The following ARL5A variants were observed in gnomAD, a reference collection of about 807,000 sequenced individuals.
ARL5A encodes the protein ADP-ribosylation factor-like protein 5A.
ARL5A carries 18 observed loss-of-function variants against 25.9 expected under a neutral mutation model. The ratio of observed to expected loss-of-function variants is 0.69; its 90% confidence interval spans 0.48 to 1.03. The LOEUF (loss-of-function observed/expected upper bound fraction) is 1.03, where lower values mean the gene tolerates loss of function less well. Among genes scored for constraint, ARL5A ranks in the 50% least tolerant of loss-of-function variants. ARL5A has a pLI of 0.00. For missense variants in ARL5A, 170 were observed against 211.9 expected, an observed-to-expected ratio of 0.80 and a Z score of 1.23; for synonymous variants, 61 against 67.5, an observed-to-expected ratio of 0.90 and a Z score of 0.47.
chr2:151,814,715 C>G (rs990151294), intron 2 of ARL5A, among the ~76,000 whole-genome samples: 5 of 151,670 alleles, frequency 3.3e-5, no homozygotes, highest in African/African-American at 1.2e-4. Context: ...ACCACTACAT[C>G]CAGCTAATTT....
At chr2:151,808,865 G>A (rs369988151) in intron 4 of ARL5A, among the ~76,000 whole-genome samples, 4 of 152,126 alleles carry the variant, frequency 2.6e-5, no homozygotes, top group African/African-American at 9.7e-5. Flanking sequence ...CTGGCCAACA[G>A]GGCGAAACCC....
At chr2:151,813,585 C>A (rs1007068048) in intron 3 of ARL5A, among the ~76,000 whole-genome samples, 12 of 152,238 alleles carry the variant, frequency 7.9e-5, no homozygotes, top group South Asian at 2.1e-4. Flanking sequence ...TACTTATAAA[C>A]CATGCTTTAT....
chr2:151,810,519 T>C (rs1444193676), intron 4 of ARL5A: 2 of 439,578 alleles, frequency 4.5e-6, no homozygotes, highest in African/African-American at 4.1e-5. Context: ...TTCAGTCTCC[T>C]TTCACTTTCC....
rs746253535 is a variant in ARL5A at position 151,800,378 on chromosome 2, T to C, written c.*2898A>G. On this transcript the variant is annotated 3_prime_UTR_variant, in exon 6 of 6. Transcript: ENST00000295087. Reference sequence around the variant, plus strand: ...CCTTTGCTCAAGCTCTGTGCATTTCTCTGGGTCTCAAATGACCTACTAGGC... The same window carrying C: ...CCTTTGCTCAAGCTCTGTGCATTTCCCTGGGTCTCAAATGACCTACTAGGC... The C allele has an allele frequency of 5.3e-5, 8 of 152,218 alleles. No individual in the cohort carries two copies. The highest frequency in any genetic ancestry group is 1.0e-4 in the Non-Finnish European group (7 of 68,030). The allele number at this position is 152,218 out of a possible 1,614,324, so 9.4% of individuals were successfully genotyped here. A position where few individuals can be genotyped will look rare whatever the true frequency, so the allele number is the denominator to read the frequency against.
intron 1 of ARL5A, among the ~76,000 whole-genome samples, chr2:151,821,951 G>A (rs1250550539): frequency 2.0e-5 from 3 of 151,946 alleles, no homozygotes; most frequent in Non-Finnish European, 4.4e-5. Flanking sequence ...CCAGGTTCAA[G>A]GGATTCTCCT....
intron 1 of ARL5A, among the ~76,000 whole-genome samples, chr2:151,816,917 G>C (rs956992017): frequency 2.6e-5 from 4 of 152,190 alleles, no homozygotes; most frequent in Non-Finnish European, 5.9e-5. Flanking sequence ...GGAGGCTAAT[G>C]TCTGTGTATT....
At chr2:151,810,865 T>G (rs1401942528) in intron 4 of ARL5A, among the ~76,000 whole-genome samples, 7 of 152,154 alleles carry the variant, frequency 4.6e-5, no homozygotes, top group Non-Finnish European at 4.4e-5. Context: ...TCAGTTTTTC[T>G]TTTTCCAAAG....
intron 1 of ARL5A, among the ~76,000 whole-genome samples, chr2:151,825,095 G>A (rs562277047): frequency 2.6e-5 from 4 of 152,294 alleles, no homozygotes; most frequent in South Asian, 2.1e-4. Flanking sequence ...GCTCCATAAA[G>A]GCAGTGGAAT....
At chr2:151,825,669 CAT>C (rs763338195) in intron 1 of ARL5A, among the ~76,000 whole-genome samples, 1 of 152,084 alleles carries the variant, frequency 6.6e-6, no homozygotes, top group African/African-American at 2.4e-5. Flanking sequence ...GGAGATACTG[CAT>C]AGTTTAAGTT....
chr2:151,823,597 A>G (rs532030630), intron 1 of ARL5A, among the ~76,000 whole-genome samples: 1 of 152,198 alleles, frequency 6.6e-6, no homozygotes, highest in South Asian at 2.1e-4. Context: ...AAATTTAAGA[A>G]GCACTCACTA....
At chr2:151,810,954 C>A (rs1010811910) in intron 4 of ARL5A, among the ~76,000 whole-genome samples, 18 of 151,500 alleles carry the variant, frequency 1.2e-4, no homozygotes, top group African/African-American at 3.1e-4. Flanking sequence ...GAAAAAAAAA[C>A]AAACAAAAAA....
intron 1 of ARL5A, among the ~76,000 whole-genome samples, chr2:151,820,223 TA>T (rs2099832087): frequency 6.6e-6 from 1 of 152,242 alleles, no homozygotes; most frequent in South Asian, 2.1e-4. Flanking sequence ...TGGAATGAAC[TA>T]GAGTATCAAT....
chr2:151,815,932 T>C (rs1472293322), intron 1 of ARL5A, among the ~76,000 whole-genome samples: 2 of 125,086 alleles, frequency 1.6e-5, no homozygotes, highest in South Asian at 4.7e-4. Context: ...TTCCAGCCTG[T>C]CCGAAAGCAA....
At chr2:151,812,503 G>T in intron 3 of ARL5A, 63 bp from the exon 4 acceptor site, 2 of 1,095,118 alleles carry the variant, frequency 1.8e-6, no homozygotes, top group Non-Finnish European at 2.6e-6. Context: ...AATTTATAAT[G>T]TGTTTATTTG....
chr2:151,814,175 G>C lies in ARL5A; in HGVS notation c.249C>G (p.Asn83Lys), dbSNP rs1433248227. The change falls in exon 3 of 6, where the codon AAC becomes AAG. Residue 83 changes from asparagine (N) to lysine (K), a missense_variant. Physicochemically the swap from Asn to Lys is moderately conservative, Grantham distance 94. Coordinates refer to ENST00000295087, the MANE Select transcript of ARL5A (RefSeq NM_012097.4). The part of the protein sequence containing the change: ...LRSSWNTYYT[N>K]TEFVIVVVDS... ...ATATTGTAAGAAACATTACCTCTGT[G>C]TTAGTATAGTAAGTGTTCCAGGAAG... The C allele has an allele frequency of 6.3e-7, 1 of 1,589,202 alleles. No homozygotes were observed. Among genetic ancestry groups the C allele is most frequent in the Admixed American group, 1.9e-5 (1 of 53,978 alleles).
At position 151,806,901 on chromosome 2, in the gene ARL5A, T is replaced by C. The variant is rs758790180; in HGVS notation, c.411A>G (p.Glu137=). 6.2e-7 allele frequency: 1 copy of C among 1,613,650 alleles called. No individual in the cohort carries two copies. Residue 137 remains glutamate (E), a synonymous_variant, in exon 5 of 6, where the codon GAA becomes GAG. Transcript: ENST00000295087. ...QDVKECMTVA[E]ISQFLKLTSI... ...AAGTTAGCTTCAAAAACTGGGAGAT[T>C]TCTGCTACAGTCATGCATTCTTTAA...
chr2:151,818,924 G>A (rs547258214), intron 1 of ARL5A, among the ~76,000 whole-genome samples: 43 of 151,754 alleles, frequency 2.8e-4, no homozygotes, highest in Non-Finnish European at 5.0e-4. Context: ...AATATATCCC[G>A]CCCCCGCCTC....
In ARL5A at chr2:151,800,834, C is replaced by T. The variant is rs2099829316; in HGVS notation, c.*2442G>A. 1.3e-5 allele frequency: 2 copies of T among 152,572 alleles called. No homozygotes were observed. The highest frequency in any genetic ancestry group is 4.8e-5 in the African/African-American group (2 of 41,432). 9.5% of individuals were successfully genotyped at this position (152,572 alleles called of 1,614,324 possible). On this transcript the variant is annotated 3_prime_UTR_variant, in exon 6 of 6. Transcript: ENST00000295087. ...AAAACAGGATATTTAAATCCAGCCACATGTACAGAACTATGAATCTTTGTT... is the reference window on the plus strand; with the variant it reads ...AAAACAGGATATTTAAATCCAGCCATATGTACAGAACTATGAATCTTTGTT...
At position 151,799,185 on chromosome 2, in the gene ARL5A, G is replaced by A. The variant is rs1262250917; in HGVS notation, c.*4091C>T. ...ATATACAAGTTTTATTTTTGTGTAA[G>A]TGGAGCTTCAAAGACATATTTCTCT... On this transcript the variant is annotated 3_prime_UTR_variant, in exon 6 of 6. Coordinates refer to ENST00000295087, the MANE Select transcript of ARL5A (RefSeq NM_012097.4). The A allele has an allele frequency of 6.6e-6, 1 of 152,140 alleles. No individual in the cohort carries two copies. Among genetic ancestry groups the A allele is most frequent in the Non-Finnish European group, 1.5e-5 (1 of 68,038 alleles). The allele number at this position is 152,140 out of a possible 1,614,324, so 9.4% of individuals were successfully genotyped here.
Sources: gnomAD v4.1 joint callset for allele counts (sites outside exome capture counted in the v4.1 genomes callset) on GRCh38, gnomAD v4.1.1 for gene constraint, MANE v1.5 for transcripts, NCBI Gene and HGNC (gene_info 2026-07-23, HGNC 2026-07-21) for gene names.